The following XIRP2 variants were observed in gnomAD, a reference collection of about 807,000 sequenced individuals.
The protein encoded by XIRP2 is xin actin binding repeat containing 2.
Under a neutral mutation model 277.0 loss-of-function variants are expected in XIRP2, and 236 were observed. The observed-to-expected ratio is 0.85, with a 90% CI of 0.77 to 0.95. The LOEUF is 0.95. Ranked by LOEUF, XIRP2 falls within the 40% of genes least tolerant of loss-of-function variation. The pLI, the probability that XIRP2 is intolerant of heterozygous loss-of-function variation, is 0.00. For synonymous variants in XIRP2, 1,490 were observed against 1,416.5 expected (o/e 1.05, Z -1.17); for missense variants, 4,640 against 4,157.5 (o/e 1.12, Z -3.19).
At chr2:166,994,333 CGGGGGAG>C (rs1687144628) in intron 2 of XIRP2, among the ~76,000 whole-genome samples, 1 of 89,032 alleles carries the variant, frequency 1.1e-5, no homozygotes, top group African/African-American at 4.9e-5. Context: ...GTGGTGGGGT[CGGGGGAG>C]GGGGGAGGGA....
chr2:166,903,931 T>C, intron 2 of XIRP2, 41 bp downstream of exon 2: 2 of 1,569,632 alleles, frequency 1.3e-6, no homozygotes, highest in Admixed American at 3.7e-5. Context: ...TACATATGAC[T>C]TCCTTGCCTA....
At chr2:167,097,415 T>C (rs886210068) in intron 2 of XIRP2, among the ~76,000 whole-genome samples, 12 of 152,196 alleles carry the variant, frequency 7.9e-5, no homozygotes, top group Non-Finnish European at 1.6e-4. Flanking sequence ...TGGTGAATCT[T>C]CCTCCATCCC....
intron 2 of XIRP2, among the ~76,000 whole-genome samples, chr2:167,051,198 C>T (rs993938914): frequency 6.6e-6 from 1 of 152,088 alleles, no homozygotes; most frequent in Non-Finnish European, 1.5e-5. Context: ...GCAGTGTCTT[C>T]ACACTAGACA....
chr2:166,995,528 C>T (rs1198491110), intron 2 of XIRP2, among the ~76,000 whole-genome samples: 1 of 152,068 alleles, frequency 6.6e-6, no homozygotes, highest in Non-Finnish European at 1.5e-5. Flanking sequence ...CTACAAGGTT[C>T]TTGATAATAT....
intron 3 of XIRP2, among the ~76,000 whole-genome samples, chr2:167,143,884 G>C (rs1394631349): frequency 6.6e-6 from 1 of 151,824 alleles, no homozygotes; most frequent in East Asian, 1.9e-4. Context: ...TAGCTAATTA[G>C]CAATGTTACT....
intron 2 of XIRP2, among the ~76,000 whole-genome samples, chr2:167,062,215 G>A (rs925202318): frequency 2.0e-5 from 3 of 152,152 alleles, no homozygotes; most frequent in Admixed American, 2.0e-4. Flanking sequence ...AACGATAGCT[G>A]GATAGAATTC....
intron 2 of XIRP2, among the ~76,000 whole-genome samples, chr2:166,977,893 G>A (rs185836733): frequency 5.1e-4 from 78 of 152,186 alleles, no homozygotes; most frequent in Admixed American, 2.2e-3. Flanking sequence ...ACTATTACTA[G>A]CTTTAAACTT....
At chr2:166,949,085 T>G (rs1685959412) in intron 2 of XIRP2, among the ~76,000 whole-genome samples, 1 of 152,024 alleles carries the variant, frequency 6.6e-6, no homozygotes, top group Non-Finnish European at 1.5e-5. Context: ...AGCAGCATTA[T>G]GTACTCCAAG....
At chr2:167,115,729 C>G (rs1452210033) in intron 2 of XIRP2, among the ~76,000 whole-genome samples, 1 of 152,174 alleles carries the variant, frequency 6.6e-6, no homozygotes, top group East Asian at 1.9e-4. Context: ...AAGCTGCATC[C>G]TTGCCAGGTT....
chr2:167,034,483 C>A (rs1688455182), intron 2 of XIRP2, among the ~76,000 whole-genome samples: 1 of 150,062 alleles, frequency 6.7e-6, no homozygotes, highest in Non-Finnish European at 1.5e-5. Flanking sequence ...TCAAAAGATA[C>A]AGAGTGGCTG....
chr2:167,258,942 C>G lies in XIRP2; in HGVS notation c.*1125C>G. On this transcript the variant is annotated 3_prime_UTR_variant, in exon 11 of 11. Coordinates refer to ENST00000409195, the MANE Select transcript of XIRP2 (RefSeq NM_152381.6). ...AGTCCTGTGCAGCCTGCTCCAAAACCAAGCCTCAGCAGAGGCCTTATGGTA... is the reference window on the plus strand; with the variant it reads ...AGTCCTGTGCAGCCTGCTCCAAAACGAAGCCTCAGCAGAGGCCTTATGGTA... The G allele has an allele frequency of 6.2e-7, 1 of 1,612,992 alleles. No individual in the cohort carries two copies. Among genetic ancestry groups the G allele is most frequent in the Non-Finnish European group, 8.5e-7 (1 of 1,179,556 alleles).
intron 5 of XIRP2, among the ~76,000 whole-genome samples, chr2:167,225,166 G>A (rs1002615576): frequency 6.6e-6 from 1 of 152,116 alleles, no homozygotes; most frequent in South Asian, 2.1e-4. Context: ...AAATAGCATA[G>A]CATTGCTTTT....
At chr2:166,972,929 T>C (rs898552949) in intron 2 of XIRP2, among the ~76,000 whole-genome samples, 1 of 152,222 alleles carries the variant, frequency 6.6e-6, no homozygotes, top group African/African-American at 2.4e-5. Flanking sequence ...ATCTTAGTAA[T>C]GCTTTCTAAA....
intron 2 of XIRP2, among the ~76,000 whole-genome samples, chr2:167,131,498 C>T (rs1691374885): frequency 1.3e-5 from 2 of 152,170 alleles, no homozygotes; most frequent in South Asian, 4.1e-4. Context: ...CTTCAAATTG[C>T]CTTCCAACCT....
chr2:166,963,357 G>T (rs116686335), intron 2 of XIRP2, among the ~76,000 whole-genome samples: 1 of 151,624 alleles, frequency 6.6e-6, no homozygotes, highest in Non-Finnish European at 1.5e-5. Context: ...CTAGCTGTTG[G>T]AGATTCAGAG....
chr2:166,910,566 C>A (rs978050552), intron 2 of XIRP2, among the ~76,000 whole-genome samples: 1 of 152,082 alleles, frequency 6.6e-6, no homozygotes, highest in African/African-American at 2.4e-5. Context: ...AAAACCAGCT[C>A]CTGGATTCGT....
chr2:167,201,280 AGAAG>A (rs1372581159), intron 3 of XIRP2, among the ~76,000 whole-genome samples: 3 of 150,164 alleles, frequency 2.0e-5, no homozygotes, highest in Non-Finnish European at 3.0e-5. Flanking sequence ...GAGAAAGGAA[AGAAG>A]GAAGGAGGGA....
rs1695746038 is a variant in XIRP2, at chr2:167,258,831, T to G, written c.*1014T>G. The G allele has an allele frequency of 1.2e-6, 2 of 1,612,970 alleles. No individual in the cohort carries two copies. The highest frequency in any genetic ancestry group is 8.5e-7 in the Non-Finnish European group (1 of 1,179,564). On this transcript the variant is annotated 3_prime_UTR_variant, in exon 11 of 11. Coordinates refer to ENST00000409195, the MANE Select transcript of XIRP2 (RefSeq NM_152381.6). ...AATACATCTAGAATCTCAGAGTTAC[T>G]TGGTATATTTGAATCTGAAAAGACT...
At chr2:166,904,371 C>G (rs1258094758) in intron 2 of XIRP2, among the ~76,000 whole-genome samples, 1 of 152,136 alleles carries the variant, frequency 6.6e-6, no homozygotes, top group African/African-American at 2.4e-5. Context: ...CTGAATGACA[C>G]TTAACCTTAG....
Sources: allele counts gnomAD v4.1 joint callset (sites outside exome capture counted in the v4.1 genomes callset), GRCh38; gene constraint gnomAD v4.1.1; transcripts MANE v1.5; gene names NCBI Gene and HGNC (gene_info 2026-07-23, HGNC 2026-07-21).